Variants in ARMH3 observed in about 807,000 individuals in gnomAD.
ARMH3 encodes the protein armadillo-like helical domain-containing protein 3.
Under a neutral mutation model 99.1 loss-of-function variants are expected in ARMH3, and 60 were observed. The observed-to-expected ratio is 0.61, with a 90% CI of 0.49 to 0.75. The LOEUF is 0.75. ARMH3 is among the 30% of genes least tolerant of loss of function. The pLI, the probability that ARMH3 is intolerant of heterozygous loss-of-function variation, is 0.00. For synonymous variants in ARMH3, 285 were observed against 292.8 expected (o/e 0.97, Z 0.27); for missense variants, 679 against 843.1 (o/e 0.81, Z 2.41).
In ARMH3 at chr10:102,011,758, GTTC is replaced by G. The variant is rs1240965222; in HGVS notation, c.793_795del (p.Glu265del). 25 of 1,609,842 alleles carry G rather than the reference GTTC, an allele frequency of 1.6e-5. No homozygotes were observed. The South Asian group carries it at 1.9e-4, about 12-fold the overall frequency. ...AAAGCAGAGAAAAAACCACTTTGGTGTTCTTCTTCCTTGTCTTTATACTGCCTA... is the reference window on the plus strand; with the variant it reads ...AAAGCAGAGAAAAAACCACTTTGGTGTTCTTCCTTGTCTTTATACTGCCTA... On this transcript the variant is annotated inframe_deletion, in exon 11 of 26. Transcript: ENST00000370033.
chr10:102,038,410 G>C (rs765602706), intron 2 of ARMH3, among the ~76,000 whole-genome samples: 8 of 152,070 alleles, frequency 5.3e-5, no homozygotes, highest in Non-Finnish European at 1.0e-4. Context: ...ATCCTAATAG[G>C]ATCCTAGCAC....
intron 23 of ARMH3, among the ~76,000 whole-genome samples, chr10:101,915,608 G>A (rs1288429838): frequency 2.0e-5 from 3 of 152,104 alleles, no homozygotes; most frequent in African/African-American, 7.2e-5. Context: ...GGAGGAAGGA[G>A]GCACAGTAGC....
chr10:101,914,237 C>T (rs1842984563), intron 23 of ARMH3, among the ~76,000 whole-genome samples: 1 of 152,012 alleles, frequency 6.6e-6, no homozygotes, highest in South Asian at 2.1e-4. Flanking sequence ...ACCTGTAATC[C>T]CAGCACTTTG....
chr10:102,032,990 G>GTT, intron 4 of ARMH3, 36 bp downstream of exon 4: 2 of 1,608,252 alleles, frequency 1.2e-6, no homozygotes, highest in Non-Finnish European at 1.7e-6. Flanking sequence ...CCTTTCTCCT[G>GTT]TTAAACAAGA....
intron 20 of ARMH3, among the ~76,000 whole-genome samples, chr10:101,966,234 T>A (rs1845533709): frequency 6.7e-6 from 1 of 149,274 alleles, no homozygotes; most frequent in South Asian, 2.1e-4. Flanking sequence ...GCTTCCTGAG[T>A]AGCTGGGATT....
chr10:101,930,900 T>C (rs1470837428), intron 23 of ARMH3, among the ~76,000 whole-genome samples: 2 of 152,234 alleles, frequency 1.3e-5, no homozygotes, highest in African/African-American at 4.8e-5. Context: ...GCTTTATATA[T>C]ATTGTCATTT....
At chr10:101,856,337 T>C (rs1211600165) in intron 24 of ARMH3, among the ~76,000 whole-genome samples, 2 of 152,254 alleles carry the variant, frequency 1.3e-5, no homozygotes, top group African/African-American at 2.4e-5. Context: ...ATACTCATTT[T>C]AGATGGAAGC....
intron 19 of ARMH3, among the ~76,000 whole-genome samples, chr10:101,983,036 A>G (rs1846301235): frequency 6.6e-6 from 1 of 152,116 alleles, no homozygotes; most frequent in Non-Finnish European, 1.5e-5. Context: ...TAAAATATAT[A>G]TTTGGTCTTC....
chr10:101,948,527 T>C (rs898606135), intron 22 of ARMH3, among the ~76,000 whole-genome samples: 4 of 152,118 alleles, frequency 2.6e-5, no homozygotes, highest in Admixed American at 2.6e-4. Flanking sequence ...TATTATATAA[T>C]GATAAAAGAG....
chr10:101,949,248 A>T (rs1844686018), intron 22 of ARMH3, among the ~76,000 whole-genome samples: 1 of 152,040 alleles, frequency 6.6e-6, no homozygotes, highest in Admixed American at 6.5e-5. Flanking sequence ...GCATAAATCA[A>T]TAAAACAGAA....
chr10:101,993,042 G>A (rs1292676472), intron 17 of ARMH3, among the ~76,000 whole-genome samples: 8 of 151,998 alleles, frequency 5.3e-5, no homozygotes, highest in Admixed American at 1.3e-4. Context: ...AGGCCAAGGC[G>A]GGCAGATCAT....
intron 20 of ARMH3, among the ~76,000 whole-genome samples, chr10:101,965,028 A>T (rs574973378): frequency 7.4e-4 from 112 of 152,194 alleles, no homozygotes; most frequent in Non-Finnish European, 1.5e-3. Flanking sequence ...AGAAAAAAAA[A>T]AGTTTTTGTT....
intron 23 of ARMH3, among the ~76,000 whole-genome samples, chr10:101,912,071 G>A (rs1320657795): frequency 6.6e-6 from 1 of 151,498 alleles, no homozygotes; most frequent in East Asian, 2.0e-4. Context: ...AATCCAGTAT[G>A]AATGTACACC....
At chr10:101,894,685 G>C (rs1470855264) in intron 23 of ARMH3, among the ~76,000 whole-genome samples, 1 of 152,084 alleles carries the variant, frequency 6.6e-6, no homozygotes, top group Non-Finnish European at 1.5e-5. Flanking sequence ...CATCTTTTCT[G>C]AACCTTTGGG....
At chr10:101,986,409 G>C (rs568214609) in intron 19 of ARMH3, among the ~76,000 whole-genome samples, 10 of 151,850 alleles carry the variant, frequency 6.6e-5, no homozygotes, top group African/African-American at 1.9e-4. Flanking sequence ...TAATTGGTTC[G>C]GTTTTGCTAC....
At chr10:101,889,738 G>GA (rs1247669532) in intron 23 of ARMH3, 2 of 431,300 alleles carry the variant, frequency 4.6e-6, no homozygotes, top group Middle Eastern at 6.2e-4. Flanking sequence ...TGAACTAACG[G>GA]AAAAAACCCA....
intron 19 of ARMH3, among the ~76,000 whole-genome samples, chr10:101,988,634 G>C (rs1411559869): frequency 6.6e-6 from 1 of 152,208 alleles, no homozygotes; most frequent in South Asian, 2.1e-4. Flanking sequence ...AATCTAAGAA[G>C]CCGGAAGGTT....
At chr10:101,889,554 A>G in intron 23 of ARMH3, 64 bp from the exon 24 acceptor site, 1 of 1,437,204 alleles carries the variant, frequency 7.0e-7, no homozygotes, top group African/African-American at 1.4e-5. Flanking sequence ...CTGTTAAAAA[A>G]TAAGGATCAA....
At chr10:101,987,766 G>A (rs922241258) in intron 19 of ARMH3, among the ~76,000 whole-genome samples, 5 of 152,206 alleles carry the variant, frequency 3.3e-5, no homozygotes, top group African/African-American at 1.2e-4. Flanking sequence ...CCCACGTGGT[G>A]AAGAACTGAG....
Sources: gnomAD v4.1 joint callset for allele counts (sites outside exome capture counted in the v4.1 genomes callset) on GRCh38, gnomAD v4.1.1 for gene constraint, MANE v1.5 for transcripts, NCBI Gene and HGNC (gene_info 2026-07-23, HGNC 2026-07-21) for gene names.